The following ATP1B3 variants were observed in gnomAD, a reference collection of about 807,000 sequenced individuals.
ATP1B3 encodes the protein ATPase Na+/K+ transporting subunit beta 3, also known as sodium/potassium-transporting ATPase subunit beta-3.
ATP1B3 carries 10 observed loss-of-function variants against 30.2 expected under a neutral mutation model. That is an observed-to-expected ratio of 0.33 (90% confidence interval 0.20 to 0.56). ATP1B3 has a LOEUF of 0.56. Among genes scored for constraint, ATP1B3 ranks in the 20% least tolerant of loss-of-function variants. The pLI is 0.90. For synonymous variants in ATP1B3, 113 were observed against 117.0 expected, an observed-to-expected ratio of 0.97 and a Z score of 0.22; for missense variants, 238 against 336.7, an observed-to-expected ratio of 0.71 and a Z score of 2.29.
At chr3:141,916,463 C>T (rs544701856) in intron 5 of ATP1B3, 19 of 850,722 alleles carry the variant, frequency 2.2e-5, no homozygotes, top group Admixed American at 1.2e-4. Flanking sequence ...TTTATCTCCC[C>T]TATCCCTACT....
chr3:141,881,199 A>G (rs1033665380), intron 1 of ATP1B3, among the ~76,000 whole-genome samples: 51 of 127,848 alleles, frequency 4.0e-4, no homozygotes, highest in African/African-American at 1.7e-3. Context: ...TCAGGACTCC[A>G]CCTCCAAAAA....
intron 1 of ATP1B3, among the ~76,000 whole-genome samples, chr3:141,895,105 A>G (rs927177481): frequency 2.0e-5 from 3 of 151,126 alleles, no homozygotes; most frequent in African/African-American, 7.3e-5. Context: ...ATGTGGAATC[A>G]TGCTTTATGT....
In ATP1B3 at chr3:141,903,512, T is replaced by C. The variant is rs946446714; in HGVS notation, c.110-108T>C. On this transcript the variant is annotated intron_variant, in intron 1 of 6. Transcript: ENST00000286371. ...ATTTGGCTATGTGCATGGCAAAGCT[T>C]GGGATCGTACCCTTGCAAGAACAGT... The C allele has an allele frequency of 2.7e-6, 4 of 1,495,930 alleles. No homozygotes were observed. The Admixed American group carries it at 8.0e-5, about 30-fold the overall frequency. 92.7% of individuals were successfully genotyped at this position (1,495,930 alleles called of 1,614,324 possible).
chr3:141,910,775 G>C (rs1576397965), intron 3 of ATP1B3, among the ~76,000 whole-genome samples: 5 of 144,836 alleles, frequency 3.5e-5, no homozygotes, highest in East Asian at 2.0e-4. Flanking sequence ...CTCTTGCCCT[G>C]CCCCCCCCTT....
intron 1 of ATP1B3, among the ~76,000 whole-genome samples, chr3:141,889,750 A>C (rs796816091): frequency 2.3e-4 from 18 of 79,090 alleles, no homozygotes; most frequent in African/African-American, 7.6e-4. Flanking sequence ...AAAAAAAAAA[A>C]ATATATACAC....
chr3:141,902,457 T>C (rs1934182852), intron 1 of ATP1B3, among the ~76,000 whole-genome samples: 1 of 152,218 alleles, frequency 6.6e-6, no homozygotes, highest in Non-Finnish European at 1.5e-5. Context: ...AGAAATATAT[T>C]ATTACAGAAA....
chr3:141,916,469 C>T, intron 5 of ATP1B3: 1 of 932,422 alleles, frequency 1.1e-6, no homozygotes, highest in South Asian at 1.4e-5. Context: ...TCCCCTATCC[C>T]TACTTACTTT....
intron 1 of ATP1B3, among the ~76,000 whole-genome samples, chr3:141,900,103 T>A (rs1014810982): frequency 6.6e-6 from 1 of 152,046 alleles, no homozygotes; most frequent in Non-Finnish European, 1.5e-5. Context: ...ACCCTGGAAT[T>A]TGAGTAGTAG....
At position 141,911,363 on chromosome 3, in the gene ATP1B3, A is replaced by T. The variant is rs963830658; in HGVS notation, c.347-2289A>T. 2.0e-5 allele frequency among the ~76,000 whole-genome samples: 3 copies of T among 152,074 alleles called. No individual in the cohort carries two copies. The East Asian group carries it at 5.8e-4, about 29-fold the overall frequency. On this transcript the variant is annotated intron_variant, in intron 3 of 6. Coordinates refer to ENST00000286371, the MANE Select transcript of ATP1B3 (RefSeq NM_001679.4). ...TTTTTCATGTTTGAAAGATACTATAATATATCTGGTTAAAAAATAATGTCT... is the reference window on the plus strand; with the variant it reads ...TTTTTCATGTTTGAAAGATACTATATTATATCTGGTTAAAAAATAATGTCT...
intron 5 of ATP1B3, among the ~76,000 whole-genome samples, chr3:141,916,879 T>TC (rs1934473553): frequency 6.6e-6 from 1 of 152,016 alleles, no homozygotes; most frequent in Non-Finnish European, 1.5e-5. Context: ...TCTTTTTTTT[T>TC]CTTTTAGACG....
rs1934650683 is a variant in ATP1B3, at chr3:141,925,925, A to G, written c.*224A>G. ...TTGAACCAGTGTACAGTCGCCAGATAGGGACCGGTGAACACCTGATTCCAA... is the reference window on the plus strand; with the variant it reads ...TTGAACCAGTGTACAGTCGCCAGATGGGGACCGGTGAACACCTGATTCCAA... On this transcript the variant is annotated 3_prime_UTR_variant, in exon 7 of 7. Transcript: ENST00000286371. The G allele has an allele frequency of 2.0e-6, 1 of 490,046 alleles. No homozygotes were observed. The highest frequency in any genetic ancestry group is 3.5e-6 in the Non-Finnish European group (1 of 284,656). 30.4% of individuals were successfully genotyped at this position (490,046 alleles called of 1,614,324 possible).
rs1277083177 is a variant in ATP1B3, at chr3:141,876,751, G to GCCGCCTCCATCC, written c.-46_-35dup. 5.4e-6 allele frequency: 8 copies of GCCGCCTCCATCC among 1,470,354 alleles called. No homozygotes were observed. The highest frequency in any genetic ancestry group is 5.6e-6 in the Non-Finnish European group (6 of 1,071,244). The allele number at this position is 1,470,354 out of a possible 1,614,324, so 91.1% of individuals were successfully genotyped here. ...GCCGGGACGCGCCTCCGCAGCCCTC[G>GCCGCCTCCATCC]CCGCCTCCATCCCCGCGGCCGCAGC... is the stretch of plus-strand genomic sequence containing the variant. On this transcript the variant is annotated 5_prime_UTR_variant, in exon 1 of 7. Transcript: ENST00000286371.
chr3:141,918,843 G>A (rs1251274796), intron 5 of ATP1B3: 2 of 152,126 alleles, frequency 1.3e-5, no homozygotes, highest in Non-Finnish European at 1.5e-5. Flanking sequence ...TTAATGATTC[G>A]GATTTCAGTT....
chr3:141,922,758 G>A (rs1934588027), intron 6 of ATP1B3, among the ~76,000 whole-genome samples: 1 of 151,936 alleles, frequency 6.6e-6, no homozygotes, highest in Non-Finnish European at 1.5e-5. Context: ...GAGGTCAGGA[G>A]ATCAAGACCA....
intron 1 of ATP1B3, among the ~76,000 whole-genome samples, chr3:141,894,851 T>C (rs182610205): frequency 5.6e-4 from 86 of 152,336 alleles, no homozygotes; most frequent in Non-Finnish European, 1.2e-3. Flanking sequence ...ATAGTAAATA[T>C]ATAAACCCAT....
chr3:141,910,748 G>T (rs181702284), intron 3 of ATP1B3, among the ~76,000 whole-genome samples: 1 of 150,754 alleles, frequency 6.6e-6, no homozygotes, highest in African/African-American at 2.4e-5. Context: ...TCTTTAGTTG[G>T]ACCCACTGTT....
chr3:141,913,898 TA>T, intron 4 of ATP1B3, 62 bp downstream of exon 4: 1 of 1,453,510 alleles, frequency 6.9e-7, no homozygotes, highest in Non-Finnish European at 9.2e-7. Context: ...AGGAGGCAAC[TA>T]TTTTTAGATT....
intron 6 of ATP1B3, among the ~76,000 whole-genome samples, chr3:141,923,652 T>G (rs1415348981): frequency 6.6e-6 from 1 of 152,228 alleles, no homozygotes; most frequent in Non-Finnish European, 1.5e-5. Flanking sequence ...AATCCATCAA[T>G]TGTTCCAGTA....
At chr3:141,917,037 G>T (rs75236679) in intron 5 of ATP1B3, among the ~76,000 whole-genome samples, 1 of 114,830 alleles carries the variant, frequency 8.7e-6, no homozygotes, top group South Asian at 2.6e-4. Context: ...TTTTTTTTTG[G>T]AGAGACAGGG....
Sources: gnomAD v4.1 joint callset for allele counts (sites outside exome capture counted in the v4.1 genomes callset) on GRCh38, gnomAD v4.1.1 for gene constraint, MANE v1.5 for transcripts, NCBI Gene and HGNC (gene_info 2026-07-23, HGNC 2026-07-21) for gene names.